The following COX10 variants were observed in gnomAD, a reference collection of about 807,000 sequenced individuals.
The protein encoded by COX10 is cytochrome c oxidase assembly factor heme A:farnesyltransferase COX10.
Under a neutral mutation model 37.3 loss-of-function variants are expected in COX10, and 27 were observed. That is an observed-to-expected ratio of 0.72 (90% confidence interval 0.53 to 1.00). COX10 has a LOEUF of 1.00. Among genes scored for constraint, COX10 ranks in the 50% least tolerant of loss-of-function variants. The pLI, the probability that COX10 is intolerant of heterozygous loss-of-function variation, is 0.00. For missense variants in COX10, 475 were observed against 563.2 expected (o/e 0.84, Z 1.59); for synonymous variants, 222 against 229.1 (o/e 0.97, Z 0.28).
At chr17:14,077,701 G>A (rs1055877625) in intron 3 of COX10, among the ~76,000 whole-genome samples, 2 of 152,124 alleles carry the variant, frequency 1.3e-5, no homozygotes, top group Non-Finnish European at 2.9e-5. Context: ...AGCTTATTCT[G>A]GGCTAACCCT....
At chr17:14,129,618 AT>A (rs1916420399) in intron 4 of COX10, among the ~76,000 whole-genome samples, 1 of 152,184 alleles carries the variant, frequency 6.6e-6, no homozygotes, top group Non-Finnish European at 1.5e-5. Context: ...TGACTGTTTC[AT>A]TAAGGCCCCT....
intron 4 of COX10, among the ~76,000 whole-genome samples, chr17:14,116,487 A>G (rs570098068): frequency 4.5e-4 from 68 of 152,132 alleles, no homozygotes; most frequent in Middle Eastern, 6.8e-3. Flanking sequence ...CACTTCTACA[A>G]CTTCTGATCT....
At chr17:14,111,487 G>A (rs1916005857) in intron 4 of COX10, among the ~76,000 whole-genome samples, 1 of 152,086 alleles carries the variant, frequency 6.6e-6, no homozygotes, top group Non-Finnish European at 1.5e-5. Context: ...AAAATATACT[G>A]TGTAACCTTA....
At chr17:14,191,670 G>A (rs1016168213) in intron 5 of COX10, among the ~76,000 whole-genome samples, 2 of 152,198 alleles carry the variant, frequency 1.3e-5, no homozygotes, top group Non-Finnish European at 2.9e-5. Context: ...CTTGTAGAGA[G>A]GAGTAAGTGA....
At chr17:14,084,072 T>G (rs1283307164) in intron 3 of COX10, among the ~76,000 whole-genome samples, 1 of 152,198 alleles carries the variant, frequency 6.6e-6, no homozygotes, top group African/African-American at 2.4e-5. Flanking sequence ...AGAATGCTGT[T>G]TTTTATTAAA....
chr17:14,119,580 C>T (rs1476766241), intron 4 of COX10, among the ~76,000 whole-genome samples: 1 of 152,022 alleles, frequency 6.6e-6, no homozygotes, highest in Non-Finnish European at 1.5e-5. Flanking sequence ...ATACCTGGTA[C>T]TATTTGAATT....
intron 4 of COX10, among the ~76,000 whole-genome samples, chr17:14,152,716 G>A (rs75822465): frequency 0.012 from 1,787 of 152,298 alleles, 27 homozygotes; most frequent in African/African-American, 0.041. Flanking sequence ...ACTAGACCAC[G>A]TGGCTGTCTC....
intron 3 of COX10, among the ~76,000 whole-genome samples, chr17:14,094,294 T>C (rs1356664506): frequency 1.3e-5 from 2 of 150,694 alleles, no homozygotes; most frequent in Non-Finnish European, 3.0e-5. Context: ...ATAATATTTA[T>C]GCTATTATAT....
intron 5 of COX10, among the ~76,000 whole-genome samples, chr17:14,187,136 C>T (rs1416444605): frequency 3.0e-4 from 45 of 150,648 alleles, no homozygotes; most frequent in East Asian, 8.1e-4. Flanking sequence ...GGAGTGTAAA[C>T]TTGTGCAAAC....
At chr17:14,172,355 A>G (rs898336618) in intron 5 of COX10, among the ~76,000 whole-genome samples, 3 of 152,038 alleles carry the variant, frequency 2.0e-5, no homozygotes, top group Non-Finnish European at 4.4e-5. Context: ...CATAGAGGCT[A>G]TACTAATTTA....
chr17:14,172,968 C>T (rs1347998089), intron 5 of COX10, among the ~76,000 whole-genome samples: 1 of 152,180 alleles, frequency 6.6e-6, no homozygotes, highest in Non-Finnish European at 1.5e-5. Flanking sequence ...GCTGGGATTA[C>T]AGGCATGAGC....
At chr17:14,121,065 C>G (rs549610949) in intron 4 of COX10, among the ~76,000 whole-genome samples, 3 of 152,230 alleles carry the variant, frequency 2.0e-5, no homozygotes, top group African/African-American at 7.2e-5. Context: ...GCTTAAGTTC[C>G]TTTGGGATGG....
intron 4 of COX10, among the ~76,000 whole-genome samples, chr17:14,130,668 T>C (rs1190259125): frequency 6.6e-6 from 1 of 152,182 alleles, no homozygotes; most frequent in Non-Finnish European, 1.5e-5. Flanking sequence ...ACTGTCTTTG[T>C]TTCTTGGCTG....
intron 5 of COX10, among the ~76,000 whole-genome samples, chr17:14,188,559 T>A (rs1463866735): frequency 6.6e-6 from 1 of 151,782 alleles, no homozygotes; most frequent in Non-Finnish European, 1.5e-5. Flanking sequence ...ATTTAGTCTA[T>A]CTGTAAAGAA....
At chr17:14,203,319 A>G (rs1218118137) in intron 6 of COX10, among the ~76,000 whole-genome samples, 1 of 152,152 alleles carries the variant, frequency 6.6e-6, no homozygotes, top group Non-Finnish European at 1.5e-5. Flanking sequence ...TAGGGACCCT[A>G]AAATCAGGTC....
chr17:14,174,457 A>C (rs1283042933), intron 5 of COX10, among the ~76,000 whole-genome samples: 1 of 92,408 alleles, frequency 1.1e-5, no homozygotes, highest in South Asian at 3.5e-4. Context: ...AGACCCTGTC[A>C]AAAAAAAAAA....
In COX10 at chr17:14,165,910, G is replaced by A. The variant is rs370325139; in HGVS notation, c.695+5963G>A. Among the ~76,000 whole-genome samples the A allele has an allele frequency of 1.4e-4, 21 of 152,218 alleles. No homozygotes were observed. The East Asian group carries it at 1.9e-3, about 14-fold the overall frequency. On this transcript the variant is annotated intron_variant, in intron 5 of 6. Transcript: ENST00000261643. Reference sequence around the variant, plus strand: ...AAGCAGCCACAGCATTGCCTCACACGAAAGCCTAATCCAAAGCAAGGCCCT... The same window carrying A: ...AAGCAGCCACAGCATTGCCTCACACAAAAGCCTAATCCAAAGCAAGGCCCT...
intron 3 of COX10, among the ~76,000 whole-genome samples, chr17:14,098,199 T>G (rs1915692881): frequency 6.6e-6 from 1 of 152,198 alleles, no homozygotes; most frequent in Non-Finnish European, 1.5e-5. Flanking sequence ...GTTCAAGGCC[T>G]TAAAATATAG....
intron 4 of COX10, among the ~76,000 whole-genome samples, chr17:14,102,496 T>C (rs990861928): frequency 3.3e-5 from 5 of 152,182 alleles, no homozygotes; most frequent in African/African-American, 4.8e-5. Flanking sequence ...GGTTAAAACA[T>C]GTTTTTGAGC....
Sources: gnomAD v4.1 joint callset for allele counts (sites outside exome capture counted in the v4.1 genomes callset) on GRCh38, gnomAD v4.1.1 for gene constraint, MANE v1.5 for transcripts, NCBI Gene and HGNC (gene_info 2026-07-23, HGNC 2026-07-21) for gene names.